The following MRTFA variants were observed in gnomAD, a reference collection of about 807,000 sequenced individuals.
The protein encoded by MRTFA is myocardin related transcription factor A.
Under a neutral mutation model 83.5 loss-of-function variants are expected in MRTFA, and 20 were observed. That is an observed-to-expected ratio of 0.24 (90% CI 0.17 to 0.35). The LOEUF (loss-of-function observed/expected upper bound fraction) is 0.35, where lower values mean the gene tolerates loss of function less well. MRTFA is among the 10% of genes least tolerant of loss of function. MRTFA has a pLI of 1.00. For missense variants in MRTFA, 1,200 were observed against 1,224.7 expected, an observed-to-expected ratio of 0.98 and a Z score of 0.30; for synonymous variants, 659 against 541.2, an observed-to-expected ratio of 1.22 and a Z score of -3.02.
chr22:40,535,646 C>G (rs1220229342), intron 3 of MRTFA, among the ~76,000 whole-genome samples: 2 of 152,126 alleles, frequency 1.3e-5, no homozygotes, highest in East Asian at 1.9e-4. Context: ...AACCACCACA[C>G]CTGGTCTTTG....
chr22:40,624,450 A>G (rs911843190), intron 1 of MRTFA, among the ~76,000 whole-genome samples: 1 of 151,960 alleles, frequency 6.6e-6, no homozygotes, highest in Non-Finnish European at 1.5e-5. Flanking sequence ...AAAAAGATTA[A>G]AAAAGATTAA....
intron 3 of MRTFA, among the ~76,000 whole-genome samples, chr22:40,463,678 A>G (rs1393733731): frequency 1.3e-5 from 2 of 152,050 alleles, no homozygotes; most frequent in East Asian, 3.9e-4. Flanking sequence ...CGCTTAACAA[A>G]TGTTTACCAC....
At chr22:40,607,151 T>A (rs1032439991) in intron 1 of MRTFA, among the ~76,000 whole-genome samples, 1 of 152,194 alleles carries the variant, frequency 6.6e-6, no homozygotes, top group African/African-American at 2.4e-5. Flanking sequence ...CATAACCTCC[T>A]TGCCCTCAAA....
chr22:40,450,332 T>C (rs1180181546), intron 4 of MRTFA, among the ~76,000 whole-genome samples: 1 of 152,140 alleles, frequency 6.6e-6, no homozygotes, highest in Non-Finnish European at 1.5e-5. Context: ...GGCCTTCAAA[T>C]GAACAGCAAC....
At chr22:40,591,094 C>G (rs868407519) in intron 2 of MRTFA, among the ~76,000 whole-genome samples, 3 of 152,046 alleles carry the variant, frequency 2.0e-5, no homozygotes, top group Non-Finnish European at 4.4e-5. Context: ...GAGATCGCGC[C>G]ACTGCACTCC....
rs1416895421 is a variant in MRTFA at position 40,463,255 on chromosome 22, G to T, written c.273C>A (p.Thr91=). Residue 91 remains threonine (T), a synonymous_variant, in exon 4 of 15, where the codon ACC becomes ACA. Transcript: ENST00000355630. Reference sequence around the variant, plus strand: ...TCCCTTGGCTCACCAGTTCTTCCCGGGTCCGGCGCTGCTGGAGTTTCAACT... The same window carrying T: ...TCCCTTGGCTCACCAGTTCTTCCCGTGTCCGGCGCTGCTGGAGTTTCAACT... The T allele has an allele frequency of 7.4e-6, 12 of 1,613,948 alleles. No individual in the cohort carries two copies. Among genetic ancestry groups the T allele is most frequent in the African/African-American group, 1.3e-5 (1 of 74,894 alleles).
chr22:40,458,980 C>T (rs2053645063), intron 4 of MRTFA, among the ~76,000 whole-genome samples: 1 of 150,942 alleles, frequency 6.6e-6, no homozygotes, highest in Non-Finnish European at 1.5e-5. Flanking sequence ...AAGGCTGAGG[C>T]GAGATAATTG....
At chr22:40,625,245 C>G (rs1347539500) in intron 1 of MRTFA, among the ~76,000 whole-genome samples, 4 of 151,358 alleles carry the variant, frequency 2.6e-5, no homozygotes, top group Non-Finnish European at 5.9e-5. Context: ...TTTAAGAGGC[C>G]AAGATGGGAG....
Position 40,426,762 on chromosome 22 carries a change from C to T in MRTFA, c.602-2381G>A, listed in dbSNP as rs538440935. On this transcript the variant is annotated intron_variant, in intron 7 of 14. Transcript: ENST00000355630. ...GAGAAGTCCCTCTGCTGAGCTCCCA[C>T]AGCACTGACACACACATATCCATTG... Among the ~76,000 whole-genome samples the T allele has an allele frequency of 2.6e-5, 4 of 152,280 alleles. No homozygotes were observed. The East Asian group carries it at 7.7e-4, about 29-fold the overall frequency.
chr22:40,556,998 C>T (rs1027661598), intron 2 of MRTFA, among the ~76,000 whole-genome samples: 1 of 152,172 alleles, frequency 6.6e-6, no homozygotes, highest in Non-Finnish European at 1.5e-5. Context: ...TTTCAATAAA[C>T]AGCTGTTAAA....
intron 2 of MRTFA, among the ~76,000 whole-genome samples, chr22:40,562,204 G>A (rs1376124631): frequency 2.8e-5 from 4 of 141,058 alleles, no homozygotes; most frequent in South Asian, 2.2e-4. Flanking sequence ...GCGATAGAGC[G>A]AGACTCCATC....
chr22:40,591,894 A>G (rs533681671), intron 2 of MRTFA, among the ~76,000 whole-genome samples: 1 of 152,348 alleles, frequency 6.6e-6, no homozygotes, highest in South Asian at 2.1e-4. Flanking sequence ...AAAGGACAGT[A>G]TAGTATCTCC....
chr22:40,497,210 TCCAGGAGGA>T (rs1049264903), intron 3 of MRTFA, among the ~76,000 whole-genome samples: 1 of 152,186 alleles, frequency 6.6e-6, no homozygotes, highest in African/African-American at 2.4e-5. Flanking sequence ...AGAGAAGGCC[TCCAGGAGGA>T]GAGAAGGCAC....
At chr22:40,629,533 G>T (rs543796881) in intron 1 of MRTFA, among the ~76,000 whole-genome samples, 1 of 151,464 alleles carries the variant, frequency 6.6e-6, no homozygotes, top group African/African-American at 2.4e-5. Context: ...AGGCCGAGGC[G>T]GATGGATCGC....
At chr22:40,611,351 T>C (rs1288064721) in intron 1 of MRTFA, among the ~76,000 whole-genome samples, 1 of 152,072 alleles carries the variant, frequency 6.6e-6, no homozygotes, top group Non-Finnish European at 1.5e-5. Context: ...ATCCTCCTGC[T>C]TCAGCCTTCC....
At chr22:40,571,026 CAAAAAA>C (rs71199292) in intron 2 of MRTFA, among the ~76,000 whole-genome samples, 33 of 46,722 alleles carry the variant, frequency 7.1e-4, no homozygotes, top group African/African-American at 1.4e-3. Context: ...CCTGTCTCTA[CAAAAAA>C]AAAAAAAAAA....
Position 40,418,845 on chromosome 22 carries a change from G to C in MRTFA, c.1893C>G (p.Asp631Glu). ...TGCGCGTCAGCGCCTCGATCTGCTT[G>C]TCTTTCTCCTGCAGCATCTGGTCCT... The change falls in exon 12 of 15, where the codon GAC becomes GAG. Residue 631 changes from aspartate (D) to glutamate (E), a missense_variant. By Grantham distance (45) the Asp-to-Glu change is conservative. Coordinates refer to ENST00000355630, the MANE Select transcript of MRTFA (RefSeq NM_020831.6). The C allele has an allele frequency of 6.2e-7, 1 of 1,612,234 alleles. No individual in the cohort carries two copies. The highest frequency in any genetic ancestry group is 8.5e-7 in the Non-Finnish European group (1 of 1,179,820).
At chr22:40,423,009 T>C (rs73167030) in intron 9 of MRTFA, among the ~76,000 whole-genome samples, 18,390 of 152,124 alleles carry the variant, frequency 0.12, 1,274 homozygotes, top group East Asian at 0.24. Flanking sequence ...CAGGGAGGAC[T>C]CTGCATGAGC....
chr22:40,566,223 A>T (rs1037857864), intron 2 of MRTFA, among the ~76,000 whole-genome samples: 56 of 143,168 alleles, frequency 3.9e-4, no homozygotes, highest in Admixed American at 5.6e-4. Context: ...CTGATTTATC[A>T]TTTTTTTTTT....
Sources: allele counts gnomAD v4.1 joint callset (sites outside exome capture counted in the v4.1 genomes callset), GRCh38; gene constraint gnomAD v4.1.1; transcripts MANE v1.5; gene names NCBI Gene and HGNC (gene_info 2026-07-23, HGNC 2026-07-21).